The following PCSK9 variants were observed in gnomAD, a reference collection of about 807,000 sequenced individuals.
The protein encoded by PCSK9 is proprotein convertase subtilisin/kexin type 9.
In PCSK9, 57 loss-of-function variants were observed where a neutral mutation model predicts 62.1. The ratio of observed to expected loss-of-function variants is 0.92; its 90% CI spans 0.74 to 1.14. The LOEUF (loss-of-function observed/expected upper bound fraction) is 1.14. Among genes scored for constraint, PCSK9 ranks in the 50% most tolerant of loss-of-function variants. The pLI is 0.00. For missense variants in PCSK9, 870 were observed against 959.8 expected (o/e 0.91, Z 1.24); for synonymous variants, 387 against 409.4 (o/e 0.95, Z 0.66).
Position 55,040,131 on chromosome 1 carries a change from T to A in PCSK9, c.207+87T>A, listed in dbSNP as rs28385702. The A allele has an allele frequency of 0.022, 32,463 of 1,482,866 alleles. 925 individuals are homozygous for A. Among genetic ancestry groups the A allele is most frequent in the South Asian group, 0.11 (8,633 of 81,056 alleles). The allele number at this position is 1,482,866 out of a possible 1,614,324, so 91.9% of individuals were successfully genotyped here. ...CCTCTCGGGCCTCAGTTTCCCCCCA[T>A]GTAAGAGAGGAAGTGGAGTGCAGGT... On this transcript the variant is annotated intron_variant, in intron 1 of 11. Transcript: ENST00000302118. The surrounding 1 kb of genome is among the most constrained non-coding windows in gnomAD (Gnocchi z 4.1).
At chr1:55,051,984 TA>T (rs1301648940) in intron 3 of PCSK9, 2 of 470,740 alleles carry the variant, frequency 4.2e-6, no homozygotes, top group Non-Finnish European at 7.8e-6. Context: ...ATATTATTGT[TA>T]GATATTGATA....
chr1:55,052,904 C>T (rs1212826030), intron 5 of PCSK9, 113 bp downstream of exon 5: 1 of 1,526,238 alleles, frequency 6.6e-7, no homozygotes, highest in African/African-American at 1.4e-5. Flanking sequence ...CTGTGGCAGC[C>T]TCTGCCGCAG....
Position 55,061,568 on chromosome 1 carries a change from CG to C in PCSK9, c.1863+13del. On this transcript the variant is annotated intron_variant, in intron 11 of 11. Coordinates refer to ENST00000302118, the MANE Select transcript of PCSK9 (RefSeq NM_174936.4). ...CCCCTCAGGAGCAGGTGAAGAGGCC[CG>C]TGAGGCCGGGTGGGTGGGGTGCTGC... The C allele has an allele frequency of 1.3e-6, 2 of 1,583,636 alleles. No individual in the cohort carries two copies. The highest frequency in any genetic ancestry group is 1.2e-5 in the South Asian group (1 of 86,546).
At chr1:55,056,218 G>A (rs1041710324) in intron 6 of PCSK9, 29 bp downstream of exon 6, 1 of 642,518 alleles carries the variant, frequency 1.6e-6, no homozygotes, top group Non-Finnish European at 1.9e-6. Context: ...GCCCCAAGGC[G>A]CGGGTAGGGG....
intron 2 of PCSK9, among the ~76,000 whole-genome samples, chr1:55,044,935 C>T (rs1232476670): frequency 1.3e-5 from 2 of 152,166 alleles, no homozygotes; most frequent in Non-Finnish European, 2.9e-5. Context: ...CTTGGAAACC[C>T]GTAGTCTAAG....
In PCSK9 at chr1:55,059,634, A is replaced by T. The variant is rs1287224147; in HGVS notation, c.1652A>T (p.His551Leu). ...PAEASMGTRVHCHQQGHVLTG... is the reference protein window; with the variant it reads ...PAEASMGTRVLCHQQGHVLTG... ...GAGGCCAGCATGGGGACCCGTGTCCACTGCCACCAACAGGGCCACGTCCTC... is the reference window on the plus strand; with the variant it reads ...GAGGCCAGCATGGGGACCCGTGTCCTCTGCCACCAACAGGGCCACGTCCTC... The change falls in exon 10 of 12, where the codon CAC (histidine) becomes CTC (leucine). Residue 551 changes from histidine (H) to leucine (L), a missense_variant. Transcript: ENST00000302118. The T allele has an allele frequency of 1.9e-6, 3 of 1,551,298 alleles. No individual in the cohort carries two copies. The highest frequency in any genetic ancestry group is 2.7e-5 in the African/African-American group (2 of 73,108).
intron 3 of PCSK9, among the ~76,000 whole-genome samples, chr1:55,049,733 A>C (rs1002399966): frequency 1.3e-5 from 2 of 152,114 alleles, no homozygotes; most frequent in Non-Finnish European, 2.9e-5. Flanking sequence ...CAGCCTCCTG[A>C]CCCTGTCCCA....
At position 55,056,059 on chromosome 1, in the gene PCSK9, T is replaced by G; in HGVS notation, c.866T>G (p.Leu289Arg). The change falls in exon 6 of 12, where the codon CTG (leucine) becomes CGG (arginine). Residue 289 changes from leucine (L) to arginine (R), a missense_variant. Coordinates refer to ENST00000302118, the MANE Select transcript of PCSK9 (RefSeq NM_174936.4). Reference sequence around the variant, plus strand: ...GGGCCACTGGTGGTGCTGCTGCCCCTGGCGGGTGGGTACAGCCGCGTCCTC... The same window carrying G: ...GGGCCACTGGTGGTGCTGCTGCCCCGGGCGGGTGGGTACAGCCGCGTCCTC... ...PVGPLVVLLP[L>R]AGGYSRVLNA... 6.2e-7 allele frequency: 1 copy of G among 1,607,222 alleles called. No individual in the cohort carries two copies. The highest frequency in any genetic ancestry group is 1.7e-4 in the Middle Eastern group (1 of 6,014).
At position 55,052,718 on chromosome 1, in the gene PCSK9, C is replaced by T; in HGVS notation, c.726C>T (p.Ala242=). 6.2e-7 allele frequency: 1 copy of T among 1,613,198 alleles called. No individual in the cohort carries two copies. The highest frequency in any genetic ancestry group is 8.5e-7 in the Non-Finnish European group (1 of 1,180,008). Residue 242 remains alanine, a synonymous_variant, in exon 5 of 12, where the codon GCC becomes GCT. Transcript: ENST00000302118. ...TCAGCGGCCGGGATGCCGGCGTGGC[C>T]AAGGGTGCCAGCATGCGCAGCCTGC... is the stretch of plus-strand genomic sequence containing the variant. ...GVVSGRDAGV[A]KGASMRSLRV...
chr1:55,051,131 A>G, intron 3 of PCSK9: 1 of 456,244 alleles, frequency 2.2e-6, no homozygotes, highest in Non-Finnish European at 4.4e-6. Context: ...AGAAGTGGGT[A>G]CACGCCCTGA....
intron 2 of PCSK9, among the ~76,000 whole-genome samples, chr1:55,046,021 T>C (rs1319944539): frequency 1.3e-5 from 2 of 152,210 alleles, no homozygotes; most frequent in Non-Finnish European, 2.9e-5. Context: ...TGATGCACTC[T>C]TGTCCTTCTA....
chr1:55,052,732 T>A lies in PCSK9; in HGVS notation c.740T>A (p.Met247Lys). Residue 247 changes from methionine to lysine, a missense_variant, in exon 5 of 12, where the codon ATG becomes AAG. Met to Lys is a moderately conservative substitution (Grantham distance 95). Coordinates refer to ENST00000302118, the MANE Select transcript of PCSK9 (RefSeq NM_174936.4). ...GCCGGCGTGGCCAAGGGTGCCAGCATGCGCAGCCTGCGCGTGCTCAACTGC... is the reference window on the plus strand; with the variant it reads ...GCCGGCGTGGCCAAGGGTGCCAGCAAGCGCAGCCTGCGCGTGCTCAACTGC... Reference protein sequence around the residue: ...RDAGVAKGASMRSLRVLNCQG... With the variant: ...RDAGVAKGASKRSLRVLNCQG... 1 of 1,613,156 alleles carries A rather than the reference T, an allele frequency of 6.2e-7. No homozygotes were observed. Among genetic ancestry groups the A allele is most frequent in the Non-Finnish European group, 8.5e-7 (1 of 1,180,010 alleles).
chr1:55,043,548 C>T (rs1431847164), intron 1 of PCSK9, among the ~76,000 whole-genome samples: 7 of 152,188 alleles, frequency 4.6e-5, no homozygotes. Context: ...GCGACCAGGC[C>T]CGTAGAGAGC....
rs191181573 is a variant in PCSK9, at chr1:55,050,712, C to A, written c.524-1566C>A. Among the ~76,000 whole-genome samples the A allele has an allele frequency of 9.9e-4, 150 of 152,016 alleles. 8 individuals carry two copies. The East Asian group carries it at 0.028, about 28-fold the overall frequency. ...AGCATAGTGGGTGGGTGGGAGGATG[C>A]GGGACTGGGGGCCGACCTTGCCTGA... is the stretch of plus-strand genomic sequence containing the variant. On this transcript the variant is annotated intron_variant, in intron 3 of 11. Coordinates refer to ENST00000302118, the MANE Select transcript of PCSK9 (RefSeq NM_174936.4).
At chr1:55,043,808 T>C in intron 1 of PCSK9, 35 bp from the exon 2 acceptor site, 1 of 1,612,332 alleles carries the variant, frequency 6.2e-7, no homozygotes, top group South Asian at 1.1e-5. Flanking sequence ...CTGGGTTTCT[T>C]CCATGTCATC....
At chr1:55,053,444 G>A (rs551814025) in intron 5 of PCSK9, among the ~76,000 whole-genome samples, 2 of 152,322 alleles carry the variant, frequency 1.3e-5, no homozygotes, top group Non-Finnish European at 1.5e-5. Flanking sequence ...TGGCCTTGCC[G>A]TAGCTGCTAA....
chr1:55,059,766 A>G (rs1644745814), intron 10 of PCSK9, 103 bp downstream of exon 10: 1 of 1,414,642 alleles, frequency 7.1e-7, no homozygotes, highest in African/African-American at 1.4e-5. Context: ...ATGAGACTCA[A>G]GCCTGACTTG....
At position 55,040,767 on chromosome 1, in the gene PCSK9, G is replaced by A. The variant is rs569602796; in HGVS notation, c.207+723G>A. The stretch of plus-strand genomic sequence containing the variant: ...GGTGCTCTGGAGCCGGAGGTGGTGC[G>A]CCTGGTACTGGGACCCCGGAGCTGA... On this transcript the variant is annotated intron_variant, in intron 1 of 11. Coordinates refer to ENST00000302118, the MANE Select transcript of PCSK9 (RefSeq NM_174936.4). This position sits in a 1 kb window ranked among gnomAD's most constrained non-coding sequence, Gnocchi z 4.1. Among the ~76,000 whole-genome samples the A allele has an allele frequency of 1.2e-4, 19 of 152,214 alleles. No individual in the cohort carries two copies. Among genetic ancestry groups the A allele is most frequent in the Non-Finnish European group, 2.5e-4 (17 of 68,024 alleles).
intron 3 of PCSK9, chr1:55,050,905 C>T (rs1230578128): frequency 1.2e-5 from 4 of 343,380 alleles, no homozygotes; most frequent in Admixed American, 4.1e-5. Flanking sequence ...CTGGATTATG[C>T]GGTGGGCTGT....
Sources: allele counts gnomAD v4.1 joint callset (sites outside exome capture counted in the v4.1 genomes callset), GRCh38; gene constraint gnomAD v4.1.1; non-coding constraint Gnocchi (gnomAD v3.1); transcripts MANE v1.5; gene names NCBI Gene and HGNC (gene_info 2026-07-23, HGNC 2026-07-21).